The following PARN variants were observed in gnomAD, a reference collection of about 807,000 sequenced individuals.
PARN encodes poly(A)-specific ribonuclease.
PARN carries 71 observed loss-of-function variants against 102.8 expected under a neutral mutation model. The ratio of observed to expected loss-of-function variants is 0.69; its 90% CI spans 0.57 to 0.84. The LOEUF is 0.84. Ranked by LOEUF, PARN falls within the 40% of genes least tolerant of loss-of-function variation. The pLI, the probability that PARN is intolerant of heterozygous loss-of-function variation, is 0.00. For synonymous variants in PARN, 261 were observed against 252.9 expected (o/e 1.03, Z -0.30); for missense variants, 782 against 760.9 (o/e 1.03, Z -0.33).
At chr16:14,491,581 T>A (rs535164227) in intron 21 of PARN, among the ~76,000 whole-genome samples, 1 of 151,864 alleles carries the variant, frequency 6.6e-6, no homozygotes, top group African/African-American at 2.4e-5. Flanking sequence ...CTGGACAACA[T>A]AGTGTGACCC....
At chr16:14,616,033 G>A (rs1018988814) in intron 6 of PARN, among the ~76,000 whole-genome samples, 6 of 151,936 alleles carry the variant, frequency 3.9e-5, no homozygotes, top group African/African-American at 1.5e-4. Flanking sequence ...TTTTTGTTGG[G>A]ATAAACCTCC....
intron 21 of PARN, among the ~76,000 whole-genome samples, chr16:14,526,908 C>T (rs919716572): frequency 1.3e-5 from 2 of 152,190 alleles, no homozygotes; most frequent in African/African-American, 4.8e-5. Flanking sequence ...AGGTGAGTAC[C>T]TCTCCTTTAA....
At chr16:14,496,455 T>G (rs116094547) in intron 21 of PARN, among the ~76,000 whole-genome samples, 5 of 152,314 alleles carry the variant, frequency 3.3e-5, no homozygotes, top group African/African-American at 1.2e-4. Flanking sequence ...CCCTTCTTTT[T>G]TTAAAAGATG....
At chr16:14,505,249 G>A (rs1964829194) in intron 21 of PARN, among the ~76,000 whole-genome samples, 1 of 152,208 alleles carries the variant, frequency 6.6e-6, no homozygotes. Context: ...ACTAAAGCCA[G>A]AAACTATAAA....
intron 13 of PARN, among the ~76,000 whole-genome samples, chr16:14,591,544 C>T (rs1970193295): frequency 1.3e-5 from 2 of 152,244 alleles, no homozygotes; most frequent in African/African-American, 4.8e-5. Flanking sequence ...TATGGCATTT[C>T]GGGGCTACAG....
chr16:14,519,566 G>A (rs1459044594), intron 21 of PARN, among the ~76,000 whole-genome samples: 1 of 152,090 alleles, frequency 6.6e-6, no homozygotes, highest in Non-Finnish European at 1.5e-5. Context: ...TCATCTCAGA[G>A]GGCCAGTCAA....
chr16:14,567,183 G>C (rs1424527946), intron 18 of PARN, among the ~76,000 whole-genome samples: 1 of 152,188 alleles, frequency 6.6e-6, no homozygotes, highest in African/African-American at 2.4e-5. Flanking sequence ...AAATGGCTTT[G>C]GTTAAAGTAT....
chr16:14,474,360 T>C (rs1962923497), intron 22 of PARN, among the ~76,000 whole-genome samples: 1 of 152,228 alleles, frequency 6.6e-6, no homozygotes, highest in Non-Finnish European at 1.5e-5. Context: ...AGAGCTTTCA[T>C]AGGTTCACCT....
At chr16:14,504,684 A>G (rs1353520513) in intron 21 of PARN, among the ~76,000 whole-genome samples, 1 of 152,210 alleles carries the variant, frequency 6.6e-6, no homozygotes, top group Non-Finnish European at 1.5e-5. Context: ...CTGGCTAGCT[A>G]TTTGGGAAAA....
intron 18 of PARN, among the ~76,000 whole-genome samples, chr16:14,571,091 A>G (rs1320417217): frequency 1.3e-5 from 2 of 149,622 alleles, no homozygotes. Context: ...TTTCCCAATA[A>G]AAGTCTAAAA....
intron 23 of PARN, among the ~76,000 whole-genome samples, chr16:14,439,028 C>A (rs1224648268): frequency 6.6e-6 from 1 of 152,196 alleles, no homozygotes; most frequent in African/African-American, 2.4e-5. Context: ...CTCATTTTCA[C>A]AGCCCTGTTT....
chr16:14,527,010 A>G (rs1241839225), intron 21 of PARN, among the ~76,000 whole-genome samples: 1 of 152,240 alleles, frequency 6.6e-6, no homozygotes, highest in Non-Finnish European at 1.5e-5. Flanking sequence ...AGAACAACAA[A>G]CACTCCAGTC....
intron 22 of PARN, among the ~76,000 whole-genome samples, chr16:14,451,867 TACA>T (rs1961466661): frequency 5.5e-4 from 13 of 23,774 alleles, no homozygotes; most frequent in Admixed American, 1.0e-3. Context: ...AAAAAAAAAA[TACA>T]AAAAAAAAAA....
rs117275615 is a variant in PARN, at chr16:14,468,535, A to T, written c.1670+14103T>A. Among the ~76,000 whole-genome samples, 896 of 152,306 alleles carry T rather than the reference A, an allele frequency of 5.9e-3. 6 individuals carry two copies. The highest frequency in any genetic ancestry group is 8.9e-3 in the Non-Finnish European group (603 of 68,018). On this transcript the variant is annotated intron_variant, in intron 22 of 23. Transcript: ENST00000437198. ...TATAGGATGGTCCCCAGTGTTGGGCAGCAAGGAGGAAAGTGTTCCAGCAGC... is the reference window on the plus strand; with the variant it reads ...TATAGGATGGTCCCCAGTGTTGGGCTGCAAGGAGGAAAGTGTTCCAGCAGC...
At chr16:14,473,649 G>T (rs1962876273) in intron 22 of PARN, among the ~76,000 whole-genome samples, 1 of 152,122 alleles carries the variant, frequency 6.6e-6, no homozygotes. Flanking sequence ...GAGGCCCAGG[G>T]CAAGAGAGAA....
At chr16:14,573,004 T>C (rs1385503593) in intron 18 of PARN, among the ~76,000 whole-genome samples, 2 of 151,856 alleles carry the variant, frequency 1.3e-5, no homozygotes, top group East Asian at 3.9e-4. Context: ...TCCTCCTGCC[T>C]CAGCCTCCTG....
At chr16:14,567,412 A>C (rs1376534453) in intron 18 of PARN, among the ~76,000 whole-genome samples, 4 of 152,180 alleles carry the variant, frequency 2.6e-5, no homozygotes, top group Non-Finnish European at 5.9e-5. Context: ...TGGGCTCTTT[A>C]TGATTAAAGG....
chr16:14,577,195 T>C (rs1057185585), intron 18 of PARN, among the ~76,000 whole-genome samples: 1 of 152,174 alleles, frequency 6.6e-6, no homozygotes, highest in African/African-American at 2.4e-5. Context: ...TCAAAATAAA[T>C]TAATCTTCAG....
intron 21 of PARN, among the ~76,000 whole-genome samples, chr16:14,494,007 C>G (rs1477454597): frequency 6.6e-6 from 1 of 152,212 alleles, no homozygotes; most frequent in East Asian, 1.9e-4. Flanking sequence ...TGTGTTTGAA[C>G]TGCATGGGTC....
Sources: allele counts gnomAD v4.1 joint callset (sites outside exome capture counted in the v4.1 genomes callset), GRCh38; gene constraint gnomAD v4.1.1; transcripts MANE v1.5; gene names NCBI Gene and HGNC (gene_info 2026-07-23, HGNC 2026-07-21).